Variants in DOK6 observed in about 807,000 individuals in gnomAD.
DOK6 encodes the protein docking protein 6.
DOK6 carries 22 observed loss-of-function variants against 44.0 expected under a neutral mutation model. The ratio of observed to expected loss-of-function variants is 0.50; its 90% CI spans 0.36 to 0.71. The LOEUF is 0.71. Among genes scored for constraint, DOK6 ranks in the 30% least tolerant of loss-of-function variants. The pLI is 0.00. For synonymous variants in DOK6, 166 were observed against 145.5 expected, an observed-to-expected ratio of 1.14 and a Z score of -1.01; for missense variants, 340 against 416.4, an observed-to-expected ratio of 0.82 and a Z score of 1.60.
At chr18:69,813,239 C>G (rs1934945670) in intron 7 of DOK6, among the ~76,000 whole-genome samples, 1 of 152,022 alleles carries the variant, frequency 6.6e-6, no homozygotes, top group African/African-American at 2.4e-5. Flanking sequence ...CCTTATCTGC[C>G]ATTGTTTTAC....
intron 5 of DOK6, among the ~76,000 whole-genome samples, chr18:69,734,540 A>G (rs1978537921): frequency 6.6e-6 from 1 of 152,196 alleles, no homozygotes; most frequent in African/African-American, 2.4e-5. Context: ...TCTATAATTA[A>G]ACGTTAAATT....
chr18:69,659,808 C>G (rs202127224), intron 3 of DOK6: 1 of 129,208 alleles, frequency 7.7e-6, no homozygotes, highest in African/African-American at 2.7e-5. Context: ...GTTTTTTTTT[C>G]TGCTTTTTTT....
intron 1 of DOK6, among the ~76,000 whole-genome samples, chr18:69,532,035 C>T (rs1262538292): frequency 2.6e-5 from 4 of 152,156 alleles, no homozygotes; most frequent in Admixed American, 6.6e-5. Flanking sequence ...CTCTCCACCA[C>T]GTGAGGACAC....
intron 7 of DOK6, among the ~76,000 whole-genome samples, chr18:69,774,408 A>T (rs1428367245): frequency 4.0e-5 from 6 of 151,756 alleles, no homozygotes; most frequent in Non-Finnish European, 7.4e-5. Flanking sequence ...GGTTCAGTGT[A>T]TACTGCTCAG....
At chr18:69,800,092 T>TA (rs35874900) in intron 7 of DOK6, among the ~76,000 whole-genome samples, 4 of 151,218 alleles carry the variant, frequency 2.6e-5, no homozygotes, top group Admixed American at 6.6e-5. Context: ...TACGTTCTAT[T>TA]AAAAAAAAAC....
intron 5 of DOK6, among the ~76,000 whole-genome samples, chr18:69,727,238 C>T (rs1190605106): frequency 1.3e-5 from 2 of 151,752 alleles, no homozygotes; most frequent in African/African-American, 4.8e-5. Context: ...AAGGCCACAC[C>T]TCTCACTACC....
intron 1 of DOK6, among the ~76,000 whole-genome samples, chr18:69,520,116 A>G (rs1447397310): frequency 6.6e-6 from 1 of 151,862 alleles, no homozygotes; most frequent in African/African-American, 2.4e-5. Flanking sequence ...TTAAGTCACC[A>G]TAAAAAACTT....
At chr18:69,456,523 A>T (rs973607910) in intron 1 of DOK6, among the ~76,000 whole-genome samples, 1 of 152,090 alleles carries the variant, frequency 6.6e-6, no homozygotes, top group South Asian at 2.1e-4. Flanking sequence ...GTGTATATGT[A>T]TCATATTTTC....
rs200365790 is a variant in DOK6, at chr18:69,444,644, C to CTT, written c.66+43350_66+43351dup. 3.5e-3 allele frequency among the ~76,000 whole-genome samples: 463 copies of CTT among 132,742 alleles called. 4 individuals carry two copies. Among genetic ancestry groups the CTT allele is most frequent in the African/African-American group, 0.011 (382 of 35,422 alleles). The allele number at this position is 132,742 out of a possible 152,430, so 87.1% of individuals were successfully genotyped here. On this transcript the variant is annotated intron_variant, in intron 1 of 7. Coordinates refer to ENST00000382713, the MANE Select transcript of DOK6 (RefSeq NM_152721.6). ...AAAGTTAACATAATATAAAATCAACCTTTTTTTTTTTTTTTTTGAGACAGA... is the reference window on the plus strand; with the variant it reads ...AAAGTTAACATAATATAAAATCAACCTTTTTTTTTTTTTTTTTTTGAGACAGA...
At chr18:69,782,101 T>C (rs111784199) in intron 7 of DOK6, among the ~76,000 whole-genome samples, 8 of 56,822 alleles carry the variant, frequency 1.4e-4, no homozygotes, top group Admixed American at 5.7e-4. Flanking sequence ...AGATTAGCTA[T>C]AGAGACTACA....
intron 5 of DOK6, among the ~76,000 whole-genome samples, chr18:69,734,432 C>T (rs1344055027): frequency 1.5e-5 from 2 of 136,366 alleles, no homozygotes; most frequent in Admixed American, 7.7e-5. Context: ...ATTCTAGCAT[C>T]GTTAAATGAC....
At chr18:69,793,202 C>T (rs149555809) in intron 7 of DOK6, among the ~76,000 whole-genome samples, 70 of 152,186 alleles carry the variant, frequency 4.6e-4, no homozygotes, top group African/African-American at 1.3e-3. Context: ...GGTGAGTTTT[C>T]GGACTTTGAC....
At chr18:69,840,450 G>T (rs1982182539) in intron 7 of DOK6, among the ~76,000 whole-genome samples, 1 of 152,232 alleles carries the variant, frequency 6.6e-6, no homozygotes, top group Admixed American at 6.5e-5. Flanking sequence ...TTCATCAGAA[G>T]CTTTAGTTAG....
intron 7 of DOK6, among the ~76,000 whole-genome samples, chr18:69,810,211 G>C (rs1051841138): frequency 1.3e-5 from 2 of 151,866 alleles, no homozygotes; most frequent in Admixed American, 6.6e-5. Flanking sequence ...TGACAAAAGT[G>C]CCGAGAACAG....
chr18:69,550,962 T>A (rs909060202), intron 1 of DOK6, among the ~76,000 whole-genome samples: 1 of 151,852 alleles, frequency 6.6e-6, no homozygotes, highest in South Asian at 2.1e-4. Context: ...TTTTGTGTTT[T>A]TAGTAGAGAC....
rs1599186924 is a variant in DOK6, at chr18:69,550,738, AG to A, written c.67-13748del. On this transcript the variant is annotated intron_variant, in intron 1 of 7. Coordinates refer to ENST00000382713, the MANE Select transcript of DOK6 (RefSeq NM_152721.6). ...CCTAATATATATTGACAGTTTCTTA[AG>A]TTTTTTTATTTGTTTGTTTTGTTGT... 2.0e-5 allele frequency among the ~76,000 whole-genome samples: 3 copies of A among 149,016 alleles called. No individual in the cohort carries two copies. The East Asian group carries it at 5.9e-4, about 30-fold the overall frequency.
At chr18:69,828,383 A>G (rs1408336654) in intron 7 of DOK6, among the ~76,000 whole-genome samples, 1 of 151,886 alleles carries the variant, frequency 6.6e-6, no homozygotes, top group Non-Finnish European at 1.5e-5. Flanking sequence ...CAAATGAATT[A>G]TCTATTTGCT....
chr18:69,757,183 C>T (rs1979382333), intron 6 of DOK6, among the ~76,000 whole-genome samples: 1 of 151,826 alleles, frequency 6.6e-6, no homozygotes, highest in Admixed American at 6.6e-5. Context: ...TTAATATGTA[C>T]AAGATTCTAT....
intron 7 of DOK6, among the ~76,000 whole-genome samples, chr18:69,797,552 A>G (rs1222582118): frequency 6.6e-6 from 1 of 152,164 alleles, no homozygotes; most frequent in Admixed American, 6.6e-5. Context: ...TAAATTTGAC[A>G]TAAGTATTAT....
Sources: gnomAD v4.1 joint callset for allele counts (sites outside exome capture counted in the v4.1 genomes callset) on GRCh38, gnomAD v4.1.1 for gene constraint, MANE v1.5 for transcripts, NCBI Gene and HGNC (gene_info 2026-07-23, HGNC 2026-07-21) for gene names.